Variants in USH2A observed in about 807,000 individuals in gnomAD.
USH2A encodes usherin.
Under a neutral mutation model 538.9 loss-of-function variants are expected in USH2A, and 443 were observed. The ratio of observed to expected loss-of-function variants is 0.82; its 90% CI spans 0.76 to 0.89. The LOEUF (loss-of-function observed/expected upper bound fraction) is 0.89. Among genes scored for constraint, USH2A ranks in the 40% least tolerant of loss-of-function variants. The pLI is 0.00. For missense variants in USH2A, 6,633 were observed against 6,324.8 expected, an observed-to-expected ratio of 1.05 and a Z score of -1.65; for synonymous variants, 2,413 against 2,273.5, an observed-to-expected ratio of 1.06 and a Z score of -1.75.
intron 21 of USH2A, among the ~76,000 whole-genome samples, chr1:216,098,241 ACTGGTAAGAGACACAATCT>A (rs1364041170): frequency 1.3e-5 from 2 of 152,234 alleles, no homozygotes; most frequent in Non-Finnish European, 2.9e-5. Flanking sequence ...ATGCATTAAA[ACTGGTAAGAGACACAATCT>A]CTGTTTTCAA....
At chr1:215,970,918 C>T in intron 35 of USH2A, 142 bp from the exon 36 acceptor site, 1 of 845,126 alleles carries the variant, frequency 1.2e-6, no homozygotes, top group Non-Finnish European at 1.9e-6. Context: ...TGTCTAAACT[C>T]TGTCTCTTAC....
At chr1:216,259,910 C>T (rs1047180705) in intron 11 of USH2A, among the ~76,000 whole-genome samples, 8 of 151,520 alleles carry the variant, frequency 5.3e-5, no homozygotes, top group Non-Finnish European at 1.0e-4. Context: ...ATTTCAAAGA[C>T]GAAAAATGAA....
intron 32 of USH2A, among the ~76,000 whole-genome samples, chr1:216,033,578 A>G (rs1669177085): frequency 6.6e-6 from 1 of 152,210 alleles, no homozygotes; most frequent in Non-Finnish European, 1.5e-5. Context: ...GAGCCAGGTG[A>G]TAAGTGTAAT....
At chr1:216,056,920 G>T (rs1005701158) in intron 30 of USH2A, among the ~76,000 whole-genome samples, 1 of 152,074 alleles carries the variant, frequency 6.6e-6, no homozygotes, top group African/African-American at 2.4e-5. Flanking sequence ...AAACAGAAAA[G>T]TCTGGCTGTG....
chr1:216,078,117 G>T lies in USH2A; in HGVS notation c.5544C>A (p.Asn1848Lys). The T allele has an allele frequency of 6.2e-7, 1 of 1,613,638 alleles. No homozygotes were observed. Among genetic ancestry groups the T allele is most frequent in the South Asian group, 1.1e-5 (1 of 91,082 alleles). The change falls in exon 27 of 72, where the codon AAC (asparagine) becomes AAA (lysine). Residue 1848 changes from asparagine (N) to lysine (K), a missense_variant. Coordinates refer to ENST00000307340, the MANE Select transcript of USH2A (RefSeq NM_206933.4). ...GTTCCAAACACAAATGTTGATAAGA[G>T]TTCAGCAGTTCCTGTGGGATTCCTC... ...YVGGIPQELL[N>K]SYQHLCLEQG...
intron 11 of USH2A, among the ~76,000 whole-genome samples, chr1:216,273,795 A>T (rs887398647): frequency 1.4e-5 from 2 of 147,582 alleles, no homozygotes; most frequent in African/African-American, 5.1e-5. Flanking sequence ...TGCTTACCCC[A>T]AATTGTCCTC....
intron 49 of USH2A, among the ~76,000 whole-genome samples, chr1:215,809,920 C>G (rs1034514359): frequency 6.6e-6 from 1 of 152,148 alleles, no homozygotes; most frequent in Non-Finnish European, 1.5e-5. Context: ...GGGACCATTG[C>G]GCTTTTTTCC....
intron 32 of USH2A, among the ~76,000 whole-genome samples, chr1:216,005,445 A>C (rs78601820): frequency 6.6e-6 from 1 of 152,290 alleles, no homozygotes; most frequent in Admixed American, 6.5e-5. Flanking sequence ...TCAGATAAAT[A>C]TTTTTTATCA....
At chr1:215,652,244 A>G (rs1413840935) in intron 64 of USH2A, among the ~76,000 whole-genome samples, 1 of 152,192 alleles carries the variant, frequency 6.6e-6, no homozygotes, top group Admixed American at 6.5e-5. Context: ...AGGTGACAAA[A>G]GTTACAAGTG....
At chr1:215,922,494 CTGAG>C (rs1169474343) in intron 38 of USH2A, among the ~76,000 whole-genome samples, 3 of 152,050 alleles carry the variant, frequency 2.0e-5, no homozygotes, top group Non-Finnish European at 4.4e-5. Flanking sequence ...CTATTTTTCC[CTGAG>C]TATTTGTCTC....
intron 32 of USH2A, among the ~76,000 whole-genome samples, chr1:216,026,696 TA>T: frequency 6.6e-6 from 1 of 152,164 alleles, no homozygotes; most frequent in Non-Finnish European, 1.5e-5. Flanking sequence ...AGATGAAAGA[TA>T]AAGTTCCTGC....
chr1:216,257,909 G>C (rs540307047), intron 11 of USH2A, among the ~76,000 whole-genome samples: 1 of 151,924 alleles, frequency 6.6e-6, no homozygotes, highest in Non-Finnish European at 1.5e-5. Flanking sequence ...GATCTGTGGG[G>C]TTATTTAGTA....
intron 4 of USH2A, among the ~76,000 whole-genome samples, chr1:216,350,320 C>A (rs2038258109): frequency 6.6e-6 from 1 of 152,020 alleles, no homozygotes; most frequent in South Asian, 2.1e-4. Context: ...TTTCATGTTG[C>A]AAAATACAAT....
chr1:215,792,647 G>A (rs371221880), intron 50 of USH2A, among the ~76,000 whole-genome samples: 256 of 152,252 alleles, frequency 1.7e-3, no homozygotes, highest in African/African-American at 5.6e-3. Flanking sequence ...CAGATGTTGC[G>A]GAGCAGAGTT....
At chr1:215,949,657 C>A (rs11120701) in intron 37 of USH2A, among the ~76,000 whole-genome samples, 1,746 of 151,930 alleles carry the variant, frequency 0.011, 32 homozygotes, top group African/African-American at 0.04. Flanking sequence ...ATAAATTTAG[C>A]AAAATAAAGC....
Position 215,748,113 on chromosome 1 carries a change from G to T in USH2A, c.11390-4778C>A, listed in dbSNP as rs1308254580. On this transcript the variant is annotated intron_variant, in intron 58 of 71. Transcript: ENST00000307340. ...TCACCTTGTTAGCCAGGATGGTCTG[G>T]ATCTCCTGACCTCATGATCCACCCG... Among the ~76,000 whole-genome samples the T allele has an allele frequency of 7.9e-5, 12 of 152,120 alleles. 1 individual carries two copies. The South Asian group carries it at 2.5e-3, about 32-fold the overall frequency.
At chr1:216,120,339 A>G (rs1365147469) in intron 21 of USH2A, among the ~76,000 whole-genome samples, 1 of 149,696 alleles carries the variant, frequency 6.7e-6, no homozygotes, top group Non-Finnish European at 1.5e-5. Context: ...GATTGAGGCC[A>G]GCCTGGCCAA....
intron 3 of USH2A, among the ~76,000 whole-genome samples, chr1:216,374,978 T>A (rs894458892): frequency 6.6e-6 from 1 of 152,048 alleles, no homozygotes; most frequent in African/African-American, 2.4e-5. Context: ...GTGTTACTAC[T>A]CCCAGGCCCA....
intron 21 of USH2A, among the ~76,000 whole-genome samples, chr1:216,141,536 C>T (rs183088450): frequency 1.3e-5 from 2 of 152,296 alleles, no homozygotes; most frequent in East Asian, 3.9e-4. Context: ...TCTCAGACTC[C>T]ATAAGGGTCT....
Sources: gnomAD v4.1 joint callset for allele counts (sites outside exome capture counted in the v4.1 genomes callset) on GRCh38, gnomAD v4.1.1 for gene constraint, MANE v1.5 for transcripts, NCBI Gene and HGNC (gene_info 2026-07-23, HGNC 2026-07-21) for gene names.